Variants in C2CD3 observed in about 807,000 individuals in gnomAD.
The protein encoded by C2CD3 is C2 domain containing 3 centriole elongation regulator, also known as C2 domain-containing protein 3.
Under a neutral mutation model 234.0 loss-of-function variants are expected in C2CD3, and 148 were observed. The ratio of observed to expected loss-of-function variants is 0.63; its 90% CI spans 0.55 to 0.72. The LOEUF (loss-of-function observed/expected upper bound fraction) is 0.72, where lower values mean the gene tolerates loss of function less well. Ranked by LOEUF, C2CD3 falls within the 30% of genes least tolerant of loss-of-function variation. C2CD3 has a pLI of 0.00. For synonymous variants in C2CD3, 1,000 were observed against 1,035.4 expected (o/e 0.97, Z 0.66); for missense variants, 2,577 against 2,811.5 (o/e 0.92, Z 1.89).
At chr11:74,131,445 C>G (rs1957678670) in intron 7 of C2CD3, among the ~76,000 whole-genome samples, 3 of 151,888 alleles carry the variant, frequency 2.0e-5, no homozygotes, top group Non-Finnish European at 4.4e-5. Flanking sequence ...TGGAATAAAT[C>G]CTGCTTGGTC....
intron 32 of C2CD3, among the ~76,000 whole-genome samples, chr11:74,013,927 T>G (rs1380255630): frequency 6.6e-6 from 1 of 152,192 alleles, no homozygotes; most frequent in Non-Finnish European, 1.5e-5. Context: ...TAGTCCCATG[T>G]GTGATGCTGG....
intron 28 of C2CD3, among the ~76,000 whole-genome samples, chr11:74,047,099 C>A (rs540386858): frequency 3.9e-5 from 6 of 152,272 alleles, no homozygotes; most frequent in Non-Finnish European, 7.4e-5. Flanking sequence ...AGTGGTAAAG[C>A]CAGGATAGGA....
intron 12 of C2CD3, among the ~76,000 whole-genome samples, chr11:74,108,825 G>A (rs911298873): frequency 4.6e-5 from 7 of 151,290 alleles, no homozygotes; most frequent in African/African-American, 1.5e-4. Context: ...CTCGTGTAGA[G>A]CCTTTAGTAT....
intron 23 of C2CD3, among the ~76,000 whole-genome samples, chr11:74,077,771 GTATATATA>G (rs553597652): frequency 4.3e-5 from 3 of 69,208 alleles, no homozygotes; most frequent in African/African-American, 5.1e-5. Flanking sequence ...AGAACTTACA[GTATATATA>G]TATATATATA....
At chr11:74,053,234 C>A (rs1017699668) in intron 26 of C2CD3, among the ~76,000 whole-genome samples, 1 of 152,156 alleles carries the variant, frequency 6.6e-6, no homozygotes, top group Non-Finnish European at 1.5e-5. Flanking sequence ...TTATTTTTAC[C>A]GTCAAGAATT....
chr11:74,127,816 T>A (rs1590882696), intron 7 of C2CD3, among the ~76,000 whole-genome samples: 1 of 152,270 alleles, frequency 6.6e-6, no homozygotes, highest in East Asian at 1.9e-4. Flanking sequence ...TCTCATTGTC[T>A]TGATTTCCCG....
rs1291536949 is a variant in C2CD3, at chr11:74,098,028, G to A, written c.2960C>T (p.Thr987Ile). ...PRPAHFLDQP[T>I]AASVAMAEDR... ...TATTACCATAGCAACAGATGCTGCAGTTGGCTGGTCCAGGAAATGGGCTGG... is the reference window on the plus strand; with the variant it reads ...TATTACCATAGCAACAGATGCTGCAATTGGCTGGTCCAGGAAATGGGCTGG... Residue 987 changes from threonine (T) to isoleucine (I), a missense_variant, in exon 16 of 33, where the codon ACT becomes ATT. Coordinates refer to ENST00000334126, the MANE Select transcript of C2CD3 (RefSeq NM_001286577.2). The A allele has an allele frequency of 6.2e-7, 1 of 1,613,948 alleles. No homozygotes were observed. Among genetic ancestry groups the A allele is most frequent in the African/African-American group, 1.3e-5 (1 of 74,914 alleles).
rs574050243 is a variant in C2CD3, at chr11:74,109,795, G to A, written c.1844-643C>T. On this transcript the variant is annotated intron_variant, in intron 11 of 32. Transcript: ENST00000334126. ...TGGTAAATAAAAAGAATTTGAGGCC[G>A]GGTGCGGTGGCTCACGCCTGTAATC... 7.2e-5 allele frequency among the ~76,000 whole-genome samples: 11 copies of A among 152,140 alleles called. No individual in the cohort carries two copies. The South Asian group carries it at 1.7e-3, about 23-fold the overall frequency.
chr11:74,133,123 G>C, intron 6 of C2CD3, 151 bp from the exon 7 acceptor site: 3 of 746,396 alleles, frequency 4.0e-6, no homozygotes, highest in Non-Finnish European at 6.5e-6. Flanking sequence ...ACTTTGCAAA[G>C]CTCTTTCCTA....
intron 24 of C2CD3, among the ~76,000 whole-genome samples, chr11:74,073,091 A>G (rs1954872747): frequency 6.6e-6 from 1 of 152,202 alleles, no homozygotes; most frequent in South Asian, 2.1e-4. Flanking sequence ...AAGGTAGGGC[A>G]GGAATTCTTT....
intron 1 of C2CD3, among the ~76,000 whole-genome samples, 180 bp downstream of exon 1, chr11:74,170,558 C>T (rs1037005061): frequency 2.6e-5 from 4 of 152,132 alleles, no homozygotes; most frequent in African/African-American, 7.2e-5. Context: ...TACCCCAGCC[C>T]CTAATTCCTT....
At chr11:74,043,687 G>A (rs908103749) in intron 28 of C2CD3, among the ~76,000 whole-genome samples, 13 of 151,600 alleles carry the variant, frequency 8.6e-5, no homozygotes, top group Non-Finnish European at 1.5e-5. Flanking sequence ...GATATAAAGT[G>A]GTACCTCATT....
intron 32 of C2CD3, among the ~76,000 whole-genome samples, chr11:74,020,024 T>C (rs979281075): frequency 1.3e-5 from 2 of 152,212 alleles, no homozygotes; most frequent in Non-Finnish European, 2.9e-5. Flanking sequence ...GGTACCCTCA[T>C]GCCTGGCCTT....
At chr11:74,014,662 G>A (rs1026737281) in intron 32 of C2CD3, among the ~76,000 whole-genome samples, 2 of 152,196 alleles carry the variant, frequency 1.3e-5, no homozygotes, top group Admixed American at 6.5e-5. Flanking sequence ...ACAGAACTCC[G>A]TTTTAGGCTT....
intron 22 of C2CD3, among the ~76,000 whole-genome samples, chr11:74,080,833 T>C (rs1955319761): frequency 6.6e-6 from 1 of 152,202 alleles, no homozygotes; most frequent in Non-Finnish European, 1.5e-5. Flanking sequence ...TTAAATGCTT[T>C]AATAATCTAG....
intron 29 of C2CD3, 52 bp from the exon 30 acceptor site, chr11:74,037,750 G>A: frequency 2.9e-6 from 4 of 1,386,110 alleles, no homozygotes; most frequent in Non-Finnish European, 4.0e-6. Context: ...TGGAGATTAT[G>A]AACATCTCTT....
chr11:74,085,009 C>A, intron 21 of C2CD3, 39 bp from the exon 22 acceptor site: 1 of 1,182,720 alleles, frequency 8.5e-7, no homozygotes, highest in South Asian at 1.2e-5. Flanking sequence ...ATTTGATGGT[C>A]TATTCATCAA....
At chr11:74,163,153 T>G (rs1450381280) in intron 2 of C2CD3, among the ~76,000 whole-genome samples, 1 of 152,186 alleles carries the variant, frequency 6.6e-6, no homozygotes, top group Non-Finnish European at 1.5e-5. Context: ...GTGAAAAGCA[T>G]GTAGGAATTA....
rs12222921 is a variant in C2CD3 at position 74,079,782 on chromosome 11, C to T, written c.4001-1065G>A. 4.2e-3 allele frequency among the ~76,000 whole-genome samples: 644 copies of T among 152,176 alleles called. 16 individuals are homozygous for T. The East Asian group carries it at 0.073, about 17-fold the overall frequency. On this transcript the variant is annotated intron_variant, in intron 22 of 32. Coordinates refer to ENST00000334126, the MANE Select transcript of C2CD3 (RefSeq NM_001286577.2). ...CTACATTCCACCTAGTATAGGTTCA[C>T]ACTATCTTATCTGAAACCTTTAAGG...
Sources: allele counts gnomAD v4.1 joint callset (sites outside exome capture counted in the v4.1 genomes callset), GRCh38; gene constraint gnomAD v4.1.1; transcripts MANE v1.5; gene names NCBI Gene and HGNC (gene_info 2026-07-23, HGNC 2026-07-21).